The following NKAIN3 variants were observed in gnomAD, a reference collection of about 807,000 sequenced individuals.
NKAIN3 encodes the protein sodium/potassium transporting ATPase interacting 3.
In NKAIN3, 25 loss-of-function variants were observed where a neutral mutation model predicts 30.2. The ratio of observed to expected loss-of-function variants is 0.83; its 90% CI spans 0.60 to 1.16. The LOEUF (loss-of-function observed/expected upper bound fraction) is 1.16, where lower values mean the gene tolerates loss of function less well. Ranked by LOEUF, NKAIN3 falls within the 50% of genes most tolerant of loss-of-function variation. The pLI is 0.00. For synonymous variants in NKAIN3, 91 were observed against 89.6 expected, an observed-to-expected ratio of 1.02 and a Z score of -0.09; for missense variants, 225 against 254.1, an observed-to-expected ratio of 0.89 and a Z score of 0.78.
chr8:62,725,845 A>C (rs1012426685), intron 3 of NKAIN3, among the ~76,000 whole-genome samples: 1 of 152,000 alleles, frequency 6.6e-6, no homozygotes, highest in Non-Finnish European at 1.5e-5. Context: ...GTGGTTTCAT[A>C]TACATTTTAG....
intron 1 of NKAIN3, among the ~76,000 whole-genome samples, chr8:62,440,252 A>T (rs1188577795): frequency 6.6e-6 from 1 of 152,146 alleles, no homozygotes; most frequent in Non-Finnish European, 1.5e-5. Flanking sequence ...GGTGCCCTTC[A>T]TGTGTGAATT....
intron 5 of NKAIN3, among the ~76,000 whole-genome samples, chr8:62,939,526 G>C (rs1479418988): frequency 6.6e-6 from 1 of 152,104 alleles, no homozygotes; most frequent in East Asian, 1.9e-4. Context: ...AACCTATAAA[G>C]GAAAACCTAT....
chr8:62,912,439 T>C (rs184577468), intron 4 of NKAIN3, among the ~76,000 whole-genome samples: 81 of 152,350 alleles, frequency 5.3e-4, no homozygotes, highest in African/African-American at 1.9e-3. Context: ...TTTAGCTTAC[T>C]GTAACATTTT....
chr8:62,781,286 CA>C (rs1044814378), intron 4 of NKAIN3, among the ~76,000 whole-genome samples: 1 of 151,116 alleles, frequency 6.6e-6, no homozygotes, highest in Non-Finnish European at 1.5e-5. Flanking sequence ...GAGGAGGGCA[CA>C]AAAAAATGGA....
chr8:62,786,951 T>C (rs1472965885), intron 4 of NKAIN3, among the ~76,000 whole-genome samples: 1 of 152,168 alleles, frequency 6.6e-6, no homozygotes, highest in African/African-American at 2.4e-5. Context: ...CTCTCTACCC[T>C]GAACCTGAGG....
chr8:62,934,529 T>C (rs1822724547), intron 5 of NKAIN3, among the ~76,000 whole-genome samples: 1 of 152,096 alleles, frequency 6.6e-6, no homozygotes, highest in Non-Finnish European at 1.5e-5. Context: ...ACAGTACAAC[T>C]CTTGCAACAA....
intron 3 of NKAIN3, among the ~76,000 whole-genome samples, chr8:62,620,607 C>G (rs1193334975): frequency 6.6e-6 from 1 of 152,078 alleles, no homozygotes; most frequent in African/African-American, 2.4e-5. Flanking sequence ...TCTTTGAAAC[C>G]TATTAGCCAC....
intron 1 of NKAIN3, among the ~76,000 whole-genome samples, chr8:62,319,417 TGATGTTAGG>T (rs927943360): frequency 6.6e-6 from 1 of 152,240 alleles, no homozygotes; most frequent in Non-Finnish European, 1.5e-5. Context: ...CTTTTAATTG[TGATGTTAGG>T]GTCTCAATTT....
chr8:62,786,413 C>G (rs1210154985), intron 4 of NKAIN3, among the ~76,000 whole-genome samples: 1 of 151,892 alleles, frequency 6.6e-6, no homozygotes, highest in Admixed American at 6.6e-5. Flanking sequence ...CCAGTAAAAC[C>G]CTGCCCCACT....
intron 4 of NKAIN3, among the ~76,000 whole-genome samples, chr8:62,804,930 A>T (rs1282014176): frequency 1.3e-5 from 2 of 152,190 alleles, no homozygotes; most frequent in Admixed American, 1.3e-4. Context: ...ATCTCCTTAA[A>T]CTGATAAGCA....
rs1215790967 is a variant in NKAIN3 at position 62,972,387 on chromosome 8, A to G, written c.*6980A>G. On this transcript the variant is annotated 3_prime_UTR_variant, in exon 7 of 7. Transcript: ENST00000623646. ...ATATGTATATATTGGGGGGCAAAAT[A>G]TGACTTTTTATTTTTATTTTTAACC... is the stretch of plus-strand genomic sequence containing the variant. 6.6e-6 allele frequency among the ~76,000 whole-genome samples: 1 copy of G among 152,162 alleles called. No homozygotes were observed. Among genetic ancestry groups the G allele is most frequent in the Non-Finnish European group, 1.5e-5 (1 of 68,034 alleles).
At chr8:62,488,284 T>C (rs1806961587) in intron 1 of NKAIN3, among the ~76,000 whole-genome samples, 1 of 152,142 alleles carries the variant, frequency 6.6e-6, no homozygotes, top group Non-Finnish European at 1.5e-5. Flanking sequence ...TTTACCTCAG[T>C]GTCACCATAC....
intron 3 of NKAIN3, among the ~76,000 whole-genome samples, chr8:62,599,682 A>G (rs577199513): frequency 3.3e-5 from 5 of 152,096 alleles, no homozygotes; most frequent in Non-Finnish European, 5.9e-5. Context: ...AATATGAAAG[A>G]GTCCCTTGTG....
chr8:62,939,642 T>A (rs1431602344), intron 5 of NKAIN3, among the ~76,000 whole-genome samples: 1 of 152,046 alleles, frequency 6.6e-6, no homozygotes, highest in Non-Finnish European at 1.5e-5. Flanking sequence ...GAATTTTGTA[T>A]CCAACAAAAC....
chr8:62,871,841 C>T (rs1820656238), intron 4 of NKAIN3, among the ~76,000 whole-genome samples: 1 of 152,136 alleles, frequency 6.6e-6, no homozygotes, highest in African/African-American at 2.4e-5. Context: ...AATATCTCAG[C>T]TATGCTTTAT....
intron 1 of NKAIN3, among the ~76,000 whole-genome samples, chr8:62,267,805 T>G (rs1232042565): frequency 2.0e-5 from 3 of 152,222 alleles, no homozygotes; most frequent in Non-Finnish European, 4.4e-5. Flanking sequence ...CATAGATTGT[T>G]GGTCAGAATA....
At chr8:62,449,417 T>C (rs1805576114) in intron 1 of NKAIN3, among the ~76,000 whole-genome samples, 1 of 152,080 alleles carries the variant, frequency 6.6e-6, no homozygotes, top group Admixed American at 6.5e-5. Flanking sequence ...ATATGTAAAG[T>C]GCATGAAGCA....
intron 3 of NKAIN3, among the ~76,000 whole-genome samples, chr8:62,735,525 C>G (rs1815633254): frequency 6.6e-6 from 1 of 151,794 alleles, no homozygotes; most frequent in African/African-American, 2.4e-5. Context: ...ATTTATTTCT[C>G]TGGAGATTTT....
At position 62,536,681 on chromosome 8, in the gene NKAIN3, G is replaced by A. The variant is rs538199543; in HGVS notation, c.55-42858G>A. On this transcript the variant is annotated intron_variant, in intron 1 of 6. Transcript: ENST00000623646. ...CCTATAAAATCCTTTTGAAATATTTGCTATTTTTTCTTGTTACCTGAATTA... is the reference window on the plus strand; with the variant it reads ...CCTATAAAATCCTTTTGAAATATTTACTATTTTTTCTTGTTACCTGAATTA... 5.3e-5 allele frequency among the ~76,000 whole-genome samples: 8 copies of A among 152,120 alleles called. No homozygotes were observed. In the South Asian group the frequency reaches 1.2e-3, roughly 24 times the overall value.
Sources: gnomAD v4.1 joint callset for allele counts (sites outside exome capture counted in the v4.1 genomes callset) on GRCh38, gnomAD v4.1.1 for gene constraint, MANE v1.5 for transcripts, NCBI Gene and HGNC (gene_info 2026-07-23, HGNC 2026-07-21) for gene names.